Variants in ANKRD28 observed in about 807,000 individuals in gnomAD.
ANKRD28 encodes the protein ankyrin repeat domain 28, also known as serine/threonine-protein phosphatase 6 regulatory ankyrin repeat subunit A.
In ANKRD28, 44 loss-of-function variants were observed where a neutral mutation model predicts 126.5. The ratio of observed to expected loss-of-function variants is 0.35; its 90% CI spans 0.27 to 0.45. The LOEUF is 0.45. Ranked by LOEUF, ANKRD28 falls within the 20% of genes least tolerant of loss-of-function variation. ANKRD28 has a pLI of 1.00. For synonymous variants in ANKRD28, 442 were observed against 468.5 expected (o/e 0.94, Z 0.73); for missense variants, 1,110 against 1,316.6 (o/e 0.84, Z 2.43).
intron 1 of ANKRD28, among the ~76,000 whole-genome samples, chr3:15,819,957 C>T (rs2060908008): frequency 6.6e-6 from 1 of 152,172 alleles, no homozygotes; most frequent in East Asian, 1.9e-4. Flanking sequence ...AAAATATTTC[C>T]TTCCCTCAAA....
At chr3:15,716,521 T>C (rs943064880) in intron 8 of ANKRD28, among the ~76,000 whole-genome samples, 8 of 152,204 alleles carry the variant, frequency 5.3e-5, no homozygotes, top group African/African-American at 1.9e-4. Context: ...TGGGCTCATG[T>C]GATTCTCCAG....
At position 15,698,125 on chromosome 3, in the gene ANKRD28, T is replaced by C. The variant is rs571786360; in HGVS notation, c.1548-1880A>G. Among the ~76,000 whole-genome samples the C allele has an allele frequency of 5.9e-5, 9 of 152,286 alleles. 1 individual carries two copies. In the South Asian group the frequency reaches 6.2e-4, roughly 11 times the overall value. ...AATCTTCTCTTTTCTTCTTCATTAG[T>C]CTTGCTAGCGGTCTGTCTGATTATC... On this transcript the variant is annotated intron_variant, in intron 14 of 27. Coordinates refer to ENST00000683139, the MANE Select transcript of ANKRD28 (RefSeq NM_001349278.2).
At chr3:15,850,757 A>T (rs1005342104) in intron 1 of ANKRD28, among the ~76,000 whole-genome samples, 3 of 152,206 alleles carry the variant, frequency 2.0e-5, no homozygotes, top group African/African-American at 7.2e-5. Context: ...CCTTTAGAAT[A>T]AATAAGTAAA....
Position 15,737,052 on chromosome 3 carries a change from G to A in ANKRD28, c.533C>T (p.Ala178Val), listed in dbSNP as rs755773891. The change falls in exon 5 of 28, where the codon GCT (alanine) becomes GTT (valine). Residue 178 changes from alanine to valine, a missense_variant. Transcript: ENST00000683139. Reference protein sequence around the residue: ...RAGRTALHHAAFSGHGEMVKL... With the variant: ...RAGRTALHHAVFSGHGEMVKL... ...ACCTACCTCACCATGTCCACTGAAA[G>A]CTGCATGATGTAATGCAGTCCTCCC... The A allele has an allele frequency of 6.2e-7, 1 of 1,613,940 alleles. No individual in the cohort carries two copies. The highest frequency in any genetic ancestry group is 8.5e-7 in the Non-Finnish European group (1 of 1,179,864).
At chr3:15,740,383 T>A (rs2075366287) in intron 4 of ANKRD28, among the ~76,000 whole-genome samples, 1 of 152,102 alleles carries the variant, frequency 6.6e-6, no homozygotes, top group Admixed American at 6.5e-5. Flanking sequence ...ATATTTCAAT[T>A]TAAAAAGGAA....
At chr3:15,728,102 C>T (rs2074315219) in intron 6 of ANKRD28, among the ~76,000 whole-genome samples, 1 of 152,106 alleles carries the variant, frequency 6.6e-6, no homozygotes. Flanking sequence ...TGAGGCAAAA[C>T]TCTCCATTAT....
chr3:15,671,578 G>C (rs1051588803), intron 27 of ANKRD28, among the ~76,000 whole-genome samples: 2 of 141,326 alleles, frequency 1.4e-5, no homozygotes, highest in African/African-American at 5.4e-5. Context: ...AAACACTATA[G>C]TTTTTTTTTT....
intron 4 of ANKRD28, among the ~76,000 whole-genome samples, chr3:15,747,695 A>G (rs751183106): frequency 1.2e-4 from 19 of 152,196 alleles, no homozygotes; most frequent in Non-Finnish European, 2.4e-4. Flanking sequence ...TGTTCTGTAA[A>G]TATCTGTCAA....
At chr3:15,767,252 T>C (rs1237504876) in intron 2 of ANKRD28, among the ~76,000 whole-genome samples, 1 of 152,220 alleles carries the variant, frequency 6.6e-6, no homozygotes, top group African/African-American at 2.4e-5. Context: ...CAGGGATTTT[T>C]AATTCATAGA....
Position 15,843,867 on chromosome 3 carries a change from G to C in ANKRD28, c.27+15510C>G, listed in dbSNP as rs1156950399. On this transcript the variant is annotated intron_variant, in intron 1 of 27. Transcript: ENST00000399451. The surrounding 1 kb of genome is among the most constrained non-coding windows in gnomAD (Gnocchi z 5.2). ...CGAAAGCAATGGGCAAGTTGCAAGA[G>C]GCAGAAGATGGAGATGAAAAGGAGA... Among the ~76,000 whole-genome samples the C allele has an allele frequency of 1.3e-5, 2 of 152,128 alleles. No individual in the cohort carries two copies. The highest frequency in any genetic ancestry group is 4.8e-5 in the African/African-American group (2 of 41,436).
At chr3:15,676,602 C>T in intron 26 of ANKRD28, 1 of 169,374 alleles carries the variant, frequency 5.9e-6, no homozygotes, top group Non-Finnish European at 1.3e-5. Flanking sequence ...TTTAAGAAAC[C>T]TTATTGGCTT....
At chr3:15,702,831 AC>A (rs2070808292) in intron 14 of ANKRD28, among the ~76,000 whole-genome samples, 1 of 86,178 alleles carries the variant, frequency 1.2e-5, no homozygotes, top group South Asian at 3.3e-4. Context: ...CCACCACCCC[AC>A]CCCTGGCCCA....
intron 1 of ANKRD28, among the ~76,000 whole-genome samples, chr3:15,818,009 AC>A (rs1398843220): frequency 2.2e-4 from 33 of 152,328 alleles, no homozygotes; most frequent in Non-Finnish European, 4.1e-4. Flanking sequence ...TTATAATAAT[AC>A]CCCAAAACTC....
chr3:15,765,735 G>A (rs1047134241), intron 3 of ANKRD28, among the ~76,000 whole-genome samples: 4 of 151,906 alleles, frequency 2.6e-5, no homozygotes, highest in African/African-American at 9.7e-5. Context: ...AGCTACTCGG[G>A]AGGCTGAGGC....
At chr3:15,822,964 G>C (rs975323191) in intron 1 of ANKRD28, among the ~76,000 whole-genome samples, 2 of 152,166 alleles carry the variant, frequency 1.3e-5, no homozygotes, top group Non-Finnish European at 2.9e-5. Flanking sequence ...TATTTTAATT[G>C]TAAGCCAACT....
chr3:15,740,829 A>G (rs2075400695), intron 4 of ANKRD28, among the ~76,000 whole-genome samples: 1 of 152,102 alleles, frequency 6.6e-6, no homozygotes, highest in Non-Finnish European at 1.5e-5. Context: ...CAATAAACAT[A>G]GCAATTAAGA....
intron 1 of ANKRD28, 81 bp downstream of exon 1, chr3:15,796,324 A>T (rs941453785): frequency 7.2e-6 from 6 of 837,390 alleles, no homozygotes; most frequent in Non-Finnish European, 9.3e-6. Context: ...ACTATTGGAA[A>T]TTTACATCTA....
At chr3:15,849,909 T>C (rs2061601481) in intron 1 of ANKRD28, among the ~76,000 whole-genome samples, 1 of 152,190 alleles carries the variant, frequency 6.6e-6, no homozygotes, top group South Asian at 2.1e-4. Context: ...CTGCCTGGTG[T>C]CAATGTGGTT....
chr3:15,719,180 AGTTGAGAG>A (rs2073419195), intron 8 of ANKRD28, among the ~76,000 whole-genome samples: 3 of 152,144 alleles, frequency 2.0e-5, no homozygotes, highest in Admixed American at 2.0e-4. Flanking sequence ...TTTGTCCTGT[AGTTGAGAG>A]GGCAATTTAA....
Sources: allele counts gnomAD v4.1 joint callset (sites outside exome capture counted in the v4.1 genomes callset), GRCh38; gene constraint gnomAD v4.1.1; non-coding constraint Gnocchi (gnomAD v3.1); transcripts MANE v1.5; gene names NCBI Gene and HGNC (gene_info 2026-07-23, HGNC 2026-07-21).